Variants in RSPO2 observed in about 807,000 individuals in gnomAD.
RSPO2 encodes R-spondin 2.
RSPO2 carries 14 observed loss-of-function variants against 30.9 expected under a neutral mutation model. That is an observed-to-expected ratio of 0.45 (90% CI 0.30 to 0.71). The LOEUF (loss-of-function observed/expected upper bound fraction) is 0.71. RSPO2 is among the 30% of genes least tolerant of loss of function. RSPO2 has a pLI of 0.08. For missense variants in RSPO2, 264 were observed against 301.9 expected, an observed-to-expected ratio of 0.87 and a Z score of 0.93; for synonymous variants, 107 against 96.4, an observed-to-expected ratio of 1.11 and a Z score of -0.64.
intron 2 of RSPO2, among the ~76,000 whole-genome samples, chr8:108,078,695 T>C (rs1247776478): frequency 6.6e-6 from 1 of 152,128 alleles, no homozygotes; most frequent in African/African-American, 2.4e-5. Flanking sequence ...AAACTATATC[T>C]AATTTTGTGA....
chr8:108,040,719 A>C (rs1811728466), intron 2 of RSPO2, among the ~76,000 whole-genome samples: 1 of 152,152 alleles, frequency 6.6e-6, no homozygotes, highest in Non-Finnish European at 1.5e-5. Flanking sequence ...ACAGAGGAAA[A>C]TTAGTTACGA....
chr8:107,907,247 G>T (rs1168295889), intron 5 of RSPO2, among the ~76,000 whole-genome samples: 41 of 151,898 alleles, frequency 2.7e-4, no homozygotes. Flanking sequence ...ACAGCACAAA[G>T]TGTTGTCAGT....
intron 2 of RSPO2, among the ~76,000 whole-genome samples, chr8:108,011,128 G>A (rs554739391): frequency 8.9e-5 from 7 of 78,360 alleles, no homozygotes; most frequent in South Asian, 9.9e-4. Context: ...GTGAGACTCC[G>A]TCCCAGAAAA....
chr8:108,064,132 G>A lies in RSPO2; in HGVS notation c.94+18413C>T, dbSNP rs1269858069. On this transcript the variant is annotated intron_variant, in intron 2 of 5. Transcript: ENST00000276659. ...ACATAGGCATGGGCAAGGACTTCAT[G>A]TCTAAAACACCAAAACCAATGGCAA... Among the ~76,000 whole-genome samples the A allele has an allele frequency of 2.6e-5, 4 of 152,130 alleles. No individual in the cohort carries two copies. The East Asian group carries it at 7.7e-4, about 29-fold the overall frequency.
At chr8:107,944,858 G>A (rs978861459) in intron 5 of RSPO2, among the ~76,000 whole-genome samples, 15 of 151,916 alleles carry the variant, frequency 9.9e-5, no homozygotes, top group Non-Finnish European at 7.4e-5. Flanking sequence ...ATGTCAAAGA[G>A]AAAAACAAAA....
chr8:108,038,487 GTTT>G (rs1444919908), intron 2 of RSPO2, among the ~76,000 whole-genome samples: 6 of 152,290 alleles, frequency 3.9e-5, no homozygotes, highest in African/African-American at 1.4e-4. Context: ...CAGTGGCAAG[GTTT>G]GACAGGATTG....
intron 5 of RSPO2, among the ~76,000 whole-genome samples, chr8:107,919,764 TA>T (rs1285907803): frequency 2.0e-5 from 3 of 152,106 alleles, no homozygotes; most frequent in Non-Finnish European, 4.4e-5. Flanking sequence ...AAGTTGTCCT[TA>T]AAAACTCTGA....
intron 2 of RSPO2, among the ~76,000 whole-genome samples, chr8:108,046,105 G>A (rs1005110597): frequency 1.3e-4 from 20 of 152,160 alleles, no homozygotes; most frequent in African/African-American, 4.3e-4. Context: ...AATGATAGCT[G>A]CTGCTGCTTG....
At chr8:108,057,926 G>A (rs536387330) in intron 2 of RSPO2, among the ~76,000 whole-genome samples, 24 of 152,252 alleles carry the variant, frequency 1.6e-4, no homozygotes, top group African/African-American at 5.8e-4. Context: ...TGCAAACAGG[G>A]ACAATTTGAC....
intron 2 of RSPO2, among the ~76,000 whole-genome samples, chr8:107,998,729 A>T (rs540956435): frequency 3.3e-5 from 5 of 152,296 alleles, no homozygotes; most frequent in Admixed American, 2.6e-4. Flanking sequence ...AAAAATTTCA[A>T]AATTCTAGAA....
chr8:107,996,885 A>G (rs1187277286), intron 2 of RSPO2: 1 of 453,424 alleles, frequency 2.2e-6, no homozygotes, highest in South Asian at 1.6e-5. Flanking sequence ...AGACTTAAAC[A>G]ATGAAAATGA....
At chr8:107,910,697 A>G (rs1563516466) in intron 5 of RSPO2, among the ~76,000 whole-genome samples, 1 of 152,122 alleles carries the variant, frequency 6.6e-6, no homozygotes, top group East Asian at 1.9e-4. Context: ...AACCTCCCTC[A>G]TTGTAATATT....
Position 108,070,844 on chromosome 8 carries a change from C to A in RSPO2, c.94+11701G>T, listed in dbSNP as rs567261596. Among the ~76,000 whole-genome samples, 97 of 152,296 alleles carry A rather than the reference C, an allele frequency of 6.4e-4. 1 individual carries two copies. The South Asian group carries it at 8.7e-3, about 14-fold the overall frequency. On this transcript the variant is annotated intron_variant, in intron 2 of 5. Coordinates refer to ENST00000276659, the MANE Select transcript of RSPO2 (RefSeq NM_178565.5). ...CAAAATTCCAAAGAAGGGTCTCTTC[C>A]ATTAGTGGATAATTTTCTAAATATA...
At chr8:107,966,583 A>G (rs1481697351) in intron 3 of RSPO2, among the ~76,000 whole-genome samples, 1 of 152,172 alleles carries the variant, frequency 6.6e-6, no homozygotes, top group Non-Finnish European at 1.5e-5. Flanking sequence ...GTGACAAACC[A>G]AGTGGAAGAG....
intron 5 of RSPO2, among the ~76,000 whole-genome samples, chr8:107,945,077 G>A (rs1048783305): frequency 6.6e-6 from 1 of 151,876 alleles, no homozygotes; most frequent in African/African-American, 2.4e-5. Context: ...ATTTCCAAAG[G>A]AAAAATATCT....
chr8:107,997,472 G>A (rs956950363), intron 2 of RSPO2, among the ~76,000 whole-genome samples: 1 of 152,094 alleles, frequency 6.6e-6, no homozygotes, highest in Non-Finnish European at 1.5e-5. Context: ...AACCAAAACA[G>A]TTTTCTAAAT....
intron 5 of RSPO2, among the ~76,000 whole-genome samples, chr8:107,917,023 A>G (rs977600394): frequency 2.0e-5 from 3 of 152,198 alleles, no homozygotes; most frequent in Admixed American, 2.0e-4. Flanking sequence ...ATTTTTATGC[A>G]ATATTAAAAC....
intron 2 of RSPO2, among the ~76,000 whole-genome samples, chr8:108,066,995 AAGG>A (rs1329614040): frequency 6.6e-6 from 1 of 152,206 alleles, no homozygotes; most frequent in African/African-American, 2.4e-5. Flanking sequence ...TCCAACCTTC[AAGG>A]AGAACTTCTA....
chr8:108,026,678 C>G (rs1290847590), intron 2 of RSPO2, among the ~76,000 whole-genome samples: 1 of 151,974 alleles, frequency 6.6e-6, no homozygotes, highest in Non-Finnish European at 1.5e-5. Flanking sequence ...AACAGCCTGG[C>G]CAATATGTTG....
Sources: gnomAD v4.1 joint callset for allele counts (sites outside exome capture counted in the v4.1 genomes callset) on GRCh38, gnomAD v4.1.1 for gene constraint, MANE v1.5 for transcripts, NCBI Gene and HGNC (gene_info 2026-07-23, HGNC 2026-07-21) for gene names.